The following MED16 variants were observed in gnomAD, a reference collection of about 807,000 sequenced individuals.
The protein encoded by MED16 is mediator complex subunit 16.
In MED16, 81 loss-of-function variants were observed where a neutral mutation model predicts 84.4. That is an observed-to-expected ratio of 0.96 (90% CI 0.80 to 1.15). The LOEUF (loss-of-function observed/expected upper bound fraction) is 1.15. MED16 is among the 50% of genes most tolerant of loss of function. The pLI is 0.00. For synonymous variants in MED16, 897 were observed against 552.2 expected (o/e 1.62, Z -8.76); for missense variants, 1,585 against 1,245.9 (o/e 1.27, Z -4.10).
chr19:892,421 G>A (rs1442233668), intron 1 of MED16: 1 of 155,440 alleles, frequency 6.4e-6, no homozygotes, highest in Non-Finnish European at 1.4e-5. Flanking sequence ...TAGCTCTCCA[G>A]GCCCAACCCC....
chr19:873,258 C>G (rs1683575), intron 11 of MED16, among the ~76,000 whole-genome samples, 191 bp downstream of exon 11: 71,649 of 110,356 alleles, frequency 0.65, 23,575 homozygotes, highest in African/African-American at 0.72. Context: ...GGGACTCCAA[C>G]CAGGGGCGGG....
At chr19:872,734 G>C (rs957860673) in intron 11 of MED16, among the ~76,000 whole-genome samples, 30 of 151,866 alleles carry the variant, frequency 2.0e-4, no homozygotes, top group South Asian at 1.0e-3. Flanking sequence ...ATGGAGACTT[G>C]ATTTCAAGGC....
chr19:889,918 G>C lies in MED16; in HGVS notation c.278-111C>G, dbSNP rs11879913. On this transcript the variant is annotated intron_variant, in intron 3 of 15. Coordinates refer to ENST00000325464, the MANE Select transcript of MED16 (RefSeq NM_005481.3). The stretch of plus-strand genomic sequence containing the variant: ...AGCCCAGTGGAGAGGTCTCGGCCCA[G>C]GTAGGGCACAGCAGGTGGCACAAGG... 6 of 1,325,716 alleles carry C rather than the reference G, an allele frequency of 4.5e-6. No individual in the cohort carries two copies. In the East Asian group the frequency reaches 7.6e-5, roughly 17 times the overall value. The allele number at this position is 1,325,716 out of a possible 1,614,324, so 82.1% of individuals were successfully genotyped here.
At chr19:868,526 T>C (rs1423274268) in intron 14 of MED16, 27 bp from the exon 15 acceptor site, 1 of 1,605,242 alleles carries the variant, frequency 6.2e-7, no homozygotes, top group Non-Finnish European at 8.5e-7. Flanking sequence ...ACTGAGCGGG[T>C]TCCCACTTCC....
rs368383193 is a variant in MED16, at chr19:868,541, G to T, written c.2400-42C>A. Reference sequence around the variant, plus strand: ...ACTGAGCGGGTTCCCACTTCCAGGCGGGCCTCCCTTACGCCTGCCCCACTT... The same window carrying T: ...ACTGAGCGGGTTCCCACTTCCAGGCTGGCCTCCCTTACGCCTGCCCCACTT... On this transcript the variant is annotated intron_variant, in intron 14 of 15. Transcript: ENST00000325464. 1.9e-5 allele frequency: 31 copies of T among 1,601,594 alleles called. No individual in the cohort carries two copies. The Middle Eastern group carries it at 5.0e-4, about 26-fold the overall frequency.
At chr19:873,336 TCCAACTAGGGGCGG>T in intron 11 of MED16, 99 bp downstream of exon 11, 7 of 332,838 alleles carry the variant, frequency 2.1e-5, no homozygotes, top group African/African-American at 4.3e-4. Context: ...GGGGCGGGAC[TCCAACTAGGGGCGG>T]GGCTGAGGTG....
chr19:875,487 C>G (rs1206331655), intron 9 of MED16, 33 bp from the exon 10 acceptor site: 1 of 1,561,876 alleles, frequency 6.4e-7, no homozygotes, highest in Non-Finnish European at 8.6e-7. Flanking sequence ...CCCCAAGGGG[C>G]CGGAGCAGAG....
intron 13 of MED16, among the ~76,000 whole-genome samples, chr19:869,810 T>C (rs185557315): frequency 3.6e-4 from 55 of 152,344 alleles, no homozygotes; most frequent in African/African-American, 1.3e-3. Flanking sequence ...AGGGTTTGCA[T>C]GTGCTCCTTG....
chr19:871,216 C>T lies in MED16; in HGVS notation c.2136G>A (p.Ala712=), dbSNP rs546895377. 3.0e-5 allele frequency: 47 copies of T among 1,547,234 alleles called. No homozygotes were observed. Among genetic ancestry groups the T allele is most frequent in the East Asian group, 1.9e-4 (8 of 41,180 alleles). ...DEGPASEPDE[A]LVDECCLLPS... ...GCAGCAGGCAGCATTCATCCACCAG[C>T]GCCTCGTCCGGCTCGCTCGCTGGGC... Residue 712 remains alanine, a synonymous_variant, in exon 13 of 16, where the codon GCG becomes GCA. Transcript: ENST00000325464.
In MED16 at chr19:890,216, G is replaced by A. The variant is rs934834165; in HGVS notation, c.198C>T (p.Asp66=). 2.6e-6 allele frequency: 4 copies of A among 1,553,824 alleles called. No individual in the cohort carries two copies. The African/African-American group carries it at 5.5e-5, about 21-fold the overall frequency. Residue 66 remains aspartate (D), a synonymous_variant, in exon 3 of 16, where the codon GAC becomes GAT. Coordinates refer to ENST00000325464, the MANE Select transcript of MED16 (RefSeq NM_005481.3). ...QDLTRMIHIL[D]TEHPWDLHSI... ...AGTGCAGGTCCCAGGGGTGCTCCGT[G>A]TCCAGGATGTGGATCATGCGGGTCA...
intron 2 of MED16, 42 bp from the exon 3 acceptor site, chr19:890,286 C>T: frequency 1.5e-6 from 2 of 1,357,178 alleles, no homozygotes; most frequent in Non-Finnish European, 2.0e-6. Context: ...GGCACCACAG[C>T]CTGCAGACGA....
chr19:887,664 T>C (rs1408124493), intron 4 of MED16, among the ~76,000 whole-genome samples: 1 of 151,970 alleles, frequency 6.6e-6, no homozygotes, highest in East Asian at 1.9e-4. Context: ...AGACTCTGTC[T>C]CAAAAAAAAT....
Position 873,392 on chromosome 19 carries a change from C to T in MED16, c.1905+57G>A. On this transcript the variant is annotated intron_variant, in intron 11 of 15. Coordinates refer to ENST00000325464, the MANE Select transcript of MED16 (RefSeq NM_005481.3). ...AGGGGCAGGGGCAGGGAAGCGGGGTCCTGATGAGATGGGGGCCCAGGTGGG... is the reference window on the plus strand; with the variant it reads ...AGGGGCAGGGGCAGGGAAGCGGGGTTCTGATGAGATGGGGGCCCAGGTGGG... 5.1e-6 allele frequency: 8 copies of T among 1,561,380 alleles called. No individual in the cohort carries two copies. In the South Asian group the frequency reaches 7.9e-5, roughly 15 times the overall value.
chr19:871,788 AGCGGG>A (rs1568319312), intron 12 of MED16, 133 bp downstream of exon 12: 11 of 151,698 alleles, frequency 7.3e-5, no homozygotes, highest in Non-Finnish European at 1.4e-4. Flanking sequence ...GAGAGGGGAG[AGCGGG>A]GAGAAGGGAG....
chr19:868,126 T>TGGTCCAGGGATCTGGG lies in MED16; in HGVS notation c.2593_2608dup (p.His870ProfsTer42). 1 of 1,610,742 alleles carries TGGTCCAGGGATCTGGG rather than the reference T, an allele frequency of 6.2e-7. No homozygotes were observed. The highest frequency in any genetic ancestry group is 8.5e-7 in the Non-Finnish European group (1 of 1,179,296). ...TCACGGACGGTCCTCTGGATGCAGATGGTCCAGGGATCTGGGGGTCCTGGG... is the reference window on the plus strand; with the variant it reads ...TCACGGACGGTCCTCTGGATGCAGATGGTCCAGGGATCTGGGGGTCCAGGGATCTGGGGGTCCTGGG... On this transcript the variant is annotated frameshift_variant, in exon 16 of 16. Transcript: ENST00000325464. LOFTEE classifies it high-confidence loss of function.
At chr19:876,424 G>A (rs183949307) in intron 9 of MED16, among the ~76,000 whole-genome samples, 1 of 152,240 alleles carries the variant, frequency 6.6e-6, no homozygotes, top group Admixed American at 6.5e-5. Context: ...CACCGGGTGT[G>A]CATCCTGGTA....
intron 10 of MED16, among the ~76,000 whole-genome samples, chr19:874,595 C>T (rs1044566064): frequency 7.2e-5 from 11 of 152,172 alleles, no homozygotes; most frequent in Non-Finnish European, 1.5e-4. Flanking sequence ...GCACAGGACC[C>T]GGGTGCCGGG....
At chr19:882,475 G>T (rs1451063604) in intron 6 of MED16, among the ~76,000 whole-genome samples, 1 of 152,204 alleles carries the variant, frequency 6.6e-6, no homozygotes, top group Non-Finnish European at 1.5e-5. Flanking sequence ...AGTGAGCCAA[G>T]ATCACGCCAC....
At chr19:871,728 G>A (rs1005802963) in intron 12 of MED16, 198 bp downstream of exon 12, 75 of 1,123,736 alleles carry the variant, frequency 6.7e-5, no homozygotes, top group East Asian at 2.4e-4. Flanking sequence ...TCTGGCGGGG[G>A]GCTCAGGCAG....
Sources: allele counts gnomAD v4.1 joint callset (sites outside exome capture counted in the v4.1 genomes callset), GRCh38; gene constraint gnomAD v4.1.1; transcripts MANE v1.5; gene names NCBI Gene and HGNC (gene_info 2026-07-23, HGNC 2026-07-21).